The following CHST15 variants were observed in gnomAD, a reference collection of about 807,000 sequenced individuals.
The protein encoded by CHST15 is carbohydrate sulfotransferase 15.
Under a neutral mutation model 53.6 loss-of-function variants are expected in CHST15, and 30 were observed. The observed-to-expected ratio is 0.56, with a 90% CI of 0.42 to 0.76. The LOEUF is 0.76. CHST15 is among the 30% of genes least tolerant of loss of function. The pLI is 0.00. For missense variants in CHST15, 627 were observed against 740.5 expected, an observed-to-expected ratio of 0.85 and a Z score of 1.78; for synonymous variants, 296 against 289.8, an observed-to-expected ratio of 1.02 and a Z score of -0.22.
At position 124,009,068 on chromosome 10, in the gene CHST15, T is replaced by G. The variant is rs1428248253; in HGVS notation, c.*1081A>C. 2 of 1,284,370 alleles carry G rather than the reference T, an allele frequency of 1.6e-6. No individual in the cohort carries two copies. Among genetic ancestry groups the G allele is most frequent in the East Asian group, 1.1e-4 (2 of 17,922 alleles). 79.6% of individuals were successfully genotyped at this position (1,284,370 alleles called of 1,614,324 possible). A position where few individuals can be genotyped will look rare whatever the true frequency, so the allele number is the denominator to read the frequency against. On this transcript the variant is annotated 3_prime_UTR_variant, in exon 8 of 8. Coordinates refer to ENST00000435907, the MANE Select transcript of CHST15 (RefSeq NM_001270764.2). ...ATAGTCCCTTGCTGGGTGAGGAACT[T>G]TGACCACACGCAGTGGAGAATGTGG...
rs1227520569 is a variant in CHST15, at chr10:124,015,538, A to T, written c.1348-3058T>A. On this transcript the variant is annotated intron_variant, in intron 6 of 7. Coordinates refer to ENST00000435907, the MANE Select transcript of CHST15 (RefSeq NM_001270764.2). Reference sequence around the variant, plus strand: ...ACCGAGAGCCAAGGCTGAGCTGAGCACAGTCCCAGTCCCCACTTCTCCCCA... The same window carrying T: ...ACCGAGAGCCAAGGCTGAGCTGAGCTCAGTCCCAGTCCCCACTTCTCCCCA... Among the ~76,000 whole-genome samples, 4 of 150,960 alleles carry T rather than the reference A, an allele frequency of 2.6e-5. No homozygotes were observed. In the East Asian group the frequency reaches 5.9e-4, roughly 22 times the overall value.
intron 7 of CHST15, chr10:124,011,500 T>C: frequency 1.0e-6 from 1 of 985,422 alleles, no homozygotes; most frequent in Non-Finnish European, 1.2e-6. Context: ...AATACTCAAT[T>C]AACCAAGTTC....
intron 1 of CHST15, among the ~76,000 whole-genome samples, chr10:124,058,482 G>A (rs1948456741): frequency 6.6e-6 from 1 of 152,168 alleles, no homozygotes; most frequent in Non-Finnish European, 1.5e-5. Flanking sequence ...ACCAGTGGTG[G>A]GGCCAAAATC....
chr10:124,083,490 G>A (rs1949318266), intron 1 of CHST15, among the ~76,000 whole-genome samples: 1 of 152,188 alleles, frequency 6.6e-6, no homozygotes, highest in Non-Finnish European at 1.5e-5. Flanking sequence ...GTGAGCAAAT[G>A]ATTTTTTCTT....
rs1946716777 is a variant in CHST15, at chr10:124,019,999, G to A, written c.1347+1257C>T. 1 of 985,580 alleles carries A rather than the reference G, an allele frequency of 1.0e-6. No homozygotes were observed. Among genetic ancestry groups the A allele is most frequent in the Non-Finnish European group, 1.2e-6 (1 of 830,086 alleles). 61.1% of individuals were successfully genotyped at this position (985,580 alleles called of 1,614,324 possible). A position where few individuals can be genotyped will look rare whatever the true frequency, so the allele number is the denominator to read the frequency against. On this transcript the variant is annotated intron_variant, in intron 6 of 7. Transcript: ENST00000435907. This position sits in a 1 kb window ranked among gnomAD's most constrained non-coding sequence, Gnocchi z 4.6. ...CAGACATTCCCTCTCCTAAGAACCT[G>A]CCTGAAGCCCCGTTCTCAGGTGGTT...
chr10:124,025,255 C>G (rs75038655), intron 5 of CHST15, among the ~76,000 whole-genome samples: 3,407 of 152,278 alleles, frequency 0.022, 131 homozygotes, highest in African/African-American at 0.077. Context: ...CCTACTGTTC[C>G]AACCAGGCAA....
Position 124,046,208 on chromosome 10 carries a change from C to T in CHST15, c.5G>A (p.Arg2Lys), listed in dbSNP as rs1948000731. Residue 2 changes from arginine to lysine, a missense_variant, in exon 2 of 8, where the codon AGG becomes AAG. Coordinates refer to ENST00000435907, the MANE Select transcript of CHST15 (RefSeq NM_001270764.2). M[R>K]HCINCCIQLL... The stretch of plus-strand genomic sequence containing the variant: ...CTGTATGCAGCAATTAATGCAGTGC[C>T]TCATGGTAGTGCCAGTGCCCTGGGC... 6.3e-7 allele frequency: 1 copy of T among 1,596,172 alleles called. No individual in the cohort carries two copies.
chr10:124,068,527 G>GT (rs2134144428), intron 1 of CHST15, among the ~76,000 whole-genome samples: 1 of 152,280 alleles, frequency 6.6e-6, no homozygotes, highest in South Asian at 2.1e-4. Flanking sequence ...TGTCCAGTCT[G>GT]GTCTGTGTCA....
intron 1 of CHST15, among the ~76,000 whole-genome samples, chr10:124,075,686 C>T (rs961178060): frequency 6.6e-6 from 1 of 152,164 alleles, no homozygotes; most frequent in Non-Finnish European, 1.5e-5. Context: ...CAATTTAAAA[C>T]CTGAAAAGTC....
chr10:124,067,731 C>T (rs1948789813), intron 1 of CHST15, among the ~76,000 whole-genome samples: 1 of 152,198 alleles, frequency 6.6e-6, no homozygotes. Context: ...ATTCTCCTGC[C>T]TCAGCCTCCC....
In CHST15 at chr10:124,046,427, G is replaced by C. The variant is rs1320960822; in HGVS notation, c.-215C>G. ...CAGCTCCGAAAGAAAACAAAAGGAA[G>C]TGATGTCCCAGAGTCATGTTCTACA... On this transcript the variant is annotated 5_prime_UTR_variant, in exon 2 of 8. Transcript: ENST00000435907. The C allele has an allele frequency of 2.7e-5, 14 of 524,270 alleles. No homozygotes were observed. The highest frequency in any genetic ancestry group is 3.3e-6 in the Non-Finnish European group (1 of 301,608). 32.5% of individuals were successfully genotyped at this position (524,270 alleles called of 1,614,324 possible). A position where few individuals can be genotyped will look rare whatever the true frequency, so the allele number is the denominator to read the frequency against.
chr10:124,034,805 C>T (rs117335902), intron 5 of CHST15, among the ~76,000 whole-genome samples: 2,841 of 135,584 alleles, frequency 0.021, 259 homozygotes, highest in East Asian at 0.13. Context: ...CCGCCCCTAA[C>T]GGGGACCCCG....
chr10:124,033,001 A>G (rs1044772141), intron 5 of CHST15, among the ~76,000 whole-genome samples: 2 of 152,206 alleles, frequency 1.3e-5, no homozygotes, highest in Non-Finnish European at 2.9e-5. Context: ...GAAAAGAACA[A>G]CTTGGACCAA....
intron 1 of CHST15, among the ~76,000 whole-genome samples, chr10:124,076,998 C>G (rs994103993): frequency 6.6e-6 from 1 of 152,222 alleles, no homozygotes; most frequent in African/African-American, 2.4e-5. Flanking sequence ...CGTGAGCCAC[C>G]GCGCCCGGCC....
At position 124,045,791 on chromosome 10, in the gene CHST15, T is replaced by C; in HGVS notation, c.422A>G (p.Asn141Ser). Residue 141 changes from asparagine (N) to serine (S), a missense_variant, in exon 2 of 8, where the codon AAT becomes AGT. Physicochemically the swap from Asn to Ser is conservative, Grantham distance 46. Around this residue, in one of 3 missense-constraint regions of CHST15, gnomAD observed 187 missense variants for 251.8 expected, o/e 0.74. Coordinates refer to ENST00000435907, the MANE Select transcript of CHST15 (RefSeq NM_001270764.2). ...TKEHHHQSSV[N>S]NISYMKDYPS... Reference sequence around the variant, plus strand: ...ATAGTCCTTCATGTATGAAATATTATTTACAGAGGATTGGTGGTGATGCTC... The same window carrying C: ...ATAGTCCTTCATGTATGAAATATTACTTACAGAGGATTGGTGGTGATGCTC... 1.2e-6 allele frequency: 2 copies of C among 1,614,194 alleles called. No individual in the cohort carries two copies. Among genetic ancestry groups the C allele is most frequent in the Non-Finnish European group, 1.7e-6 (2 of 1,180,044 alleles).
At chr10:124,029,034 C>T (rs1293470358) in intron 5 of CHST15, among the ~76,000 whole-genome samples, 1 of 152,210 alleles carries the variant, frequency 6.6e-6, no homozygotes, top group Non-Finnish European at 1.5e-5. Context: ...AGTGCTGTGG[C>T]CACGTGAGGG....
rs1192379696 is a variant in CHST15, at chr10:124,054,815, C to T, written c.-512-8091G>A. On this transcript the variant is annotated intron_variant, in intron 1 of 7. Coordinates refer to ENST00000435907, the MANE Select transcript of CHST15 (RefSeq NM_001270764.2). ...ATGCTTAACCCAGAGTCTAGTACCC[C>T]GCACACCGTGGAAGGATGAGCCATC... Among the ~76,000 whole-genome samples the T allele has an allele frequency of 3.3e-5, 5 of 152,158 alleles. No individual in the cohort carries two copies. In the East Asian group the frequency reaches 5.8e-4, roughly 18 times the overall value.
At chr10:124,078,390 C>T (rs1949140169) in intron 1 of CHST15, among the ~76,000 whole-genome samples, 1 of 152,188 alleles carries the variant, frequency 6.6e-6, no homozygotes, top group South Asian at 2.1e-4. Flanking sequence ...TCAAAGGTTG[C>T]TGAGTGTATG....
chr10:124,013,325 T>C (rs1204271450), intron 6 of CHST15, among the ~76,000 whole-genome samples: 1 of 152,158 alleles, frequency 6.6e-6, no homozygotes, highest in Non-Finnish European at 1.5e-5. Flanking sequence ...CATCTGCATG[T>C]GACGGAACCC....
Sources: allele counts gnomAD v4.1 joint callset (sites outside exome capture counted in the v4.1 genomes callset), GRCh38; gene constraint gnomAD v4.1.1; regional missense constraint gnomAD v4.1.1; non-coding constraint Gnocchi (gnomAD v3.1); transcripts MANE v1.5; gene names NCBI Gene and HGNC (gene_info 2026-07-23, HGNC 2026-07-21).